The following PCM1 variants were observed in gnomAD, a reference collection of about 807,000 sequenced individuals.
The protein encoded by PCM1 is pericentriolar material 1, also known as pericentriolar material 1 protein.
Under a neutral mutation model 241.9 loss-of-function variants are expected in PCM1, and 157 were observed. That is an observed-to-expected ratio of 0.65 (90% CI 0.57 to 0.74). PCM1 has a LOEUF of 0.74. Among genes scored for constraint, PCM1 ranks in the 30% least tolerant of loss-of-function variants. The pLI is 0.00. For missense variants in PCM1, 3,478 were observed against 2,360.1 expected (o/e 1.47, Z -9.81); for synonymous variants, 1,085 against 784.9 (o/e 1.38, Z -6.39).
Position 17,969,569 on chromosome 8 carries a change from C to G in PCM1, c.3413-8C>G. ...ATTTTTCTCTTACCCATTGCTTTTACTGATTAGGTATGAATTTCAGCCCTT... is the reference window on the plus strand; with the variant it reads ...ATTTTTCTCTTACCCATTGCTTTTAGTGATTAGGTATGAATTTCAGCCCTT... On this transcript the variant is annotated splice_polypyrimidine_tract_variant and splice_region_variant and intron_variant, in intron 21 of 38. Coordinates refer to ENST00000325083, the MANE Select transcript of PCM1 (RefSeq NM_006197.4). The G allele has an allele frequency of 6.4e-7, 1 of 1,562,494 alleles. No homozygotes were observed. The highest frequency in any genetic ancestry group is 8.7e-7 in the Non-Finnish European group (1 of 1,153,010).
intron 2 of PCM1, among the ~76,000 whole-genome samples, chr8:17,929,729 C>A (rs932786248): frequency 6.6e-6 from 1 of 152,122 alleles, no homozygotes; most frequent in African/African-American, 2.4e-5. Context: ...TTCCAGAGAC[C>A]CCCAGTGCAT....
At position 17,955,508 on chromosome 8, in the gene PCM1, G is replaced by C. The variant is rs1220474682; in HGVS notation, c.1327G>C (p.Ala443Pro). ...GAGTGTCGATCAGAGAAGTACTTCA[G>C]CTCCCTCTGCTTCTGTAGGCTTGGC... Reference protein sequence around the residue: ...QRSVDQRSTSAPSASVGLAPV... With the variant: ...QRSVDQRSTSPPSASVGLAPV... The change falls in exon 10 of 39, where the codon GCT (alanine) becomes CCT (proline). Residue 443 changes from alanine (A) to proline (P), a missense_variant. Coordinates refer to ENST00000325083, the MANE Select transcript of PCM1 (RefSeq NM_006197.4). The C allele has an allele frequency of 6.2e-7, 1 of 1,613,356 alleles. No individual in the cohort carries two copies. The highest frequency in any genetic ancestry group is 1.1e-5 in the South Asian group (1 of 90,908).
At chr8:18,003,528 G>C (rs558845147) in intron 29 of PCM1, among the ~76,000 whole-genome samples, 2 of 152,234 alleles carry the variant, frequency 1.3e-5, no homozygotes, top group South Asian at 4.1e-4. Context: ...GTGTTTACAG[G>C]CAGAATTCCT....
chr8:17,943,390 A>G (rs1004226058), intron 6 of PCM1, among the ~76,000 whole-genome samples: 3 of 152,142 alleles, frequency 2.0e-5, no homozygotes, highest in Non-Finnish European at 4.4e-5. Context: ...TATTTTAAAA[A>G]CTAGTGGCAT....
intron 18 of PCM1, 73 bp from the exon 19 acceptor site, chr8:17,965,926 T>A (rs1197688515): frequency 2.3e-5 from 23 of 993,532 alleles, no homozygotes; most frequent in Non-Finnish European, 3.3e-5. Flanking sequence ...GGCCTGAGTA[T>A]CAGAGTTTAT....
At position 18,025,577 on chromosome 8, in the gene PCM1, C is replaced by G. The variant is rs779764966; in HGVS notation, c.5968C>G (p.Gln1990Glu). ...AAGAAAGAAAATGGTAGAAGAAGAA[C>G]AGAAAAACCATTTATCTGGTGAAAT... The part of the protein sequence containing the change: ...DLRKKMVEEE[Q>E]KNHLSGEICE... Residue 1990 changes from glutamine (Q) to glutamate (E), a missense_variant, in exon 38 of 39, where the codon CAG becomes GAG. By Grantham distance (29) the Gln-to-Glu change is conservative. Coordinates refer to ENST00000325083, the MANE Select transcript of PCM1 (RefSeq NM_006197.4). 26 of 1,582,938 alleles carry G rather than the reference C, an allele frequency of 1.6e-5. No homozygotes were observed. The highest frequency in any genetic ancestry group is 2.0e-5 in the Non-Finnish European group (23 of 1,164,754).
At chr8:18,011,942 A>G (rs1223762046) in intron 34 of PCM1, 115 bp downstream of exon 34, 1 of 915,048 alleles carries the variant, frequency 1.1e-6, no homozygotes, top group Non-Finnish European at 1.7e-6. Context: ...GGTTTCATGA[A>G]TGCAAGCCTC....
intron 36 of PCM1, among the ~76,000 whole-genome samples, chr8:18,016,220 C>T (rs905861207): frequency 3.9e-5 from 6 of 152,040 alleles, no homozygotes; most frequent in South Asian, 2.1e-4. Context: ...ATCCAGAGGT[C>T]GAACTAGATG....
intron 29 of PCM1, among the ~76,000 whole-genome samples, chr8:17,998,675 C>T (rs994056528): frequency 3.3e-5 from 5 of 152,152 alleles, no homozygotes; most frequent in African/African-American, 9.7e-5. Context: ...ACCTGACTAC[C>T]GCCTAAATTT....
intron 22 of PCM1, among the ~76,000 whole-genome samples, 198 bp downstream of exon 22, chr8:17,969,946 T>G (rs762198533): frequency 5.3e-5 from 8 of 152,156 alleles, no homozygotes; most frequent in South Asian, 4.1e-4. Context: ...AAAAGTTGTT[T>G]GGAAGGATGT....
chr8:17,956,466 C>A (rs970392535), intron 10 of PCM1, 138 bp from the exon 11 acceptor site: 1 of 605,044 alleles, frequency 1.7e-6, no homozygotes, highest in East Asian at 2.8e-5. Flanking sequence ...TACAGTCATA[C>A]CCCCTGGAGA....
intron 29 of PCM1, among the ~76,000 whole-genome samples, chr8:18,001,048 A>G (rs540028403): frequency 2.2e-4 from 33 of 152,358 alleles, no homozygotes; most frequent in Non-Finnish European, 4.0e-4. Context: ...GCTGCTGCCT[A>G]AAGCCAGGGC....
At chr8:17,996,276 G>T (rs1470022383) in intron 29 of PCM1, among the ~76,000 whole-genome samples, 1 of 152,120 alleles carries the variant, frequency 6.6e-6, no homozygotes, top group African/African-American at 2.4e-5. Context: ...TGGTTTTTCA[G>T]CATCAGTTAA....
intron 6 of PCM1, among the ~76,000 whole-genome samples, chr8:17,942,372 C>G (rs1441922598): frequency 6.6e-6 from 1 of 151,796 alleles, no homozygotes; most frequent in East Asian, 1.9e-4. Context: ...GAGGCTGAGG[C>G]AGGAGAATCG....
rs927622496 is a variant in PCM1 at position 18,027,928 on chromosome 8, G to A, written c.*266G>A. The stretch of plus-strand genomic sequence containing the variant: ...TTTCCCCATTGTGATGTTTGGTAAC[G>A]AATTTAAAATGTAGTTTTAAATAAA... On this transcript the variant is annotated 3_prime_UTR_variant, in exon 39 of 39. Coordinates refer to ENST00000325083, the MANE Select transcript of PCM1 (RefSeq NM_006197.4). The A allele has an allele frequency of 8.4e-6, 3 of 358,900 alleles. No individual in the cohort carries two copies. Among genetic ancestry groups the A allele is most frequent in the Admixed American group, 4.5e-5 (1 of 22,038 alleles). The allele number at this position is 358,900 out of a possible 1,614,324, so 22.2% of individuals were successfully genotyped here.
At chr8:17,991,463 T>C in intron 27 of PCM1, 79 bp from the exon 28 acceptor site, 1 of 1,257,906 alleles carries the variant, frequency 7.9e-7, no homozygotes, top group African/African-American at 1.5e-5. Context: ...TTTGGACATT[T>C]TTTTATTAAT....
chr8:17,937,689 T>C (rs1323426867), intron 4 of PCM1, among the ~76,000 whole-genome samples: 3 of 152,172 alleles, frequency 2.0e-5, no homozygotes, highest in Non-Finnish European at 4.4e-5. Context: ...TATTAAGTAA[T>C]GGAAAGTTCC....
chr8:17,996,331 T>C lies in PCM1; in HGVS notation c.4827+2712T>C, dbSNP rs770730259. ...TCCTTCATTCTGTTGATATGATGTATTACATTGATTGATTTACCTATGTTG... is the reference window on the plus strand; with the variant it reads ...TCCTTCATTCTGTTGATATGATGTACTACATTGATTGATTTACCTATGTTG... On this transcript the variant is annotated intron_variant, in intron 29 of 38. Transcript: ENST00000325083. 3.9e-5 allele frequency among the ~76,000 whole-genome samples: 6 copies of C among 152,346 alleles called. No homozygotes were observed. In the South Asian group the frequency reaches 6.2e-4, roughly 16 times the overall value.
rs1173078700 is a variant in PCM1 at position 17,950,683 on chromosome 8, G to C, written c.1030G>C (p.Asp344His). ...ITSELNEELN[D>H]LIQRFHNQLR... is the part of the protein sequence containing the mutation. Reference sequence around the variant, plus strand: ...ATCTGAACTAAATGAAGAATTGAATGACTTAATTCAGCGTTTTCATAATCA... The same window carrying C: ...ATCTGAACTAAATGAAGAATTGAATCACTTAATTCAGCGTTTTCATAATCA... The change falls in exon 8 of 39, where the codon GAC becomes CAC. Residue 344 changes from aspartate (D) to histidine (H), a missense_variant. Physicochemically the swap from Asp to His is moderately conservative, Grantham distance 81. Transcript: ENST00000325083. 2 of 1,602,908 alleles carry C rather than the reference G, an allele frequency of 1.2e-6. No individual in the cohort carries two copies. The highest frequency in any genetic ancestry group is 1.7e-6 in the Non-Finnish European group (2 of 1,173,224).
Sources: gnomAD v4.1 joint callset for allele counts (sites outside exome capture counted in the v4.1 genomes callset) on GRCh38, gnomAD v4.1.1 for gene constraint, MANE v1.5 for transcripts, NCBI Gene and HGNC (gene_info 2026-07-23, HGNC 2026-07-21) for gene names.